The following RPUSD2 variants were observed in gnomAD, a reference collection of about 807,000 sequenced individuals.
The protein encoded by RPUSD2 is RNA pseudouridine synthase domain containing 2, also known as pseudouridylate synthase RPUSD2.
In RPUSD2, 31 loss-of-function variants were observed where a neutral mutation model predicts 41.5. That is an observed-to-expected ratio of 0.75 (90% CI 0.56 to 1.01). RPUSD2 has a LOEUF of 1.01. Among genes scored for constraint, RPUSD2 ranks in the 50% least tolerant of loss-of-function variants. The pLI, the probability that RPUSD2 is intolerant of heterozygous loss-of-function variation, is 0.00. For missense variants in RPUSD2, 749 were observed against 724.7 expected, an observed-to-expected ratio of 1.03 and a Z score of -0.38; for synonymous variants, 305 against 289.7, an observed-to-expected ratio of 1.05 and a Z score of -0.54.
At position 40,574,458 on chromosome 15, in the gene RPUSD2, A is replaced by T; in HGVS notation, c.*197A>T. The T allele has an allele frequency of 1.9e-6, 1 of 515,692 alleles. No homozygotes were observed. 31.9% of individuals were successfully genotyped at this position (515,692 alleles called of 1,614,324 possible). ...GTTTGTAAATATATCCCTTTTTCTAACATCTTTGATGTCTGGTTTTCTTCC... is the reference window on the plus strand; with the variant it reads ...GTTTGTAAATATATCCCTTTTTCTATCATCTTTGATGTCTGGTTTTCTTCC... On this transcript the variant is annotated 3_prime_UTR_variant, in exon 3 of 3. Transcript: ENST00000315616.
rs1891220502 is a variant in RPUSD2, at chr15:40,574,845, C to T, written c.*584C>T. On this transcript the variant is annotated 3_prime_UTR_variant, in exon 3 of 3. Transcript: ENST00000315616. ...CCATTAAGTAAGTGGTCACTTTCCA[C>T]TCCCCTTCCACCAGCCTCTGGCAAC... 6.6e-6 allele frequency: 1 copy of T among 152,256 alleles called. No homozygotes were observed. Among genetic ancestry groups the T allele is most frequent in the Non-Finnish European group, 1.5e-5 (1 of 68,052 alleles). The allele number at this position is 152,256 out of a possible 1,614,324, so 9.4% of individuals were successfully genotyped here.
intron 1 of RPUSD2, 62 bp downstream of exon 1, chr15:40,570,005 TTTG>T: frequency 1.4e-6 from 2 of 1,440,312 alleles, no homozygotes; most frequent in South Asian, 2.9e-5. Context: ...TTTGTTTTGT[TTTG>T]TTTTGTTTTT....
Position 40,569,364 on chromosome 15 carries a change from C to T in RPUSD2, c.27C>T (p.Leu9=), listed in dbSNP as rs1203449416. The change falls in exon 1 of 3, where the codon CTC becomes CTT. Residue 9 remains leucine (L), a synonymous_variant. Coordinates refer to ENST00000315616, the MANE Select transcript of RPUSD2 (RefSeq NM_152260.3). MWLDRRGW[L]RVLGHWRYDL... ...TGTGGCTGGACCGCCGCGGATGGCT[C>T]AGGGTTCTTGGACATTGGCGCTACG... 2 of 1,501,342 alleles carry T rather than the reference C, an allele frequency of 1.3e-6. No homozygotes were observed. Among genetic ancestry groups the T allele is most frequent in the Admixed American group, 5.0e-5 (2 of 40,170 alleles). The allele number at this position is 1,501,342 out of a possible 1,614,324, so 93.0% of individuals were successfully genotyped here.
rs370216132 is a variant in RPUSD2 at position 40,571,620 on chromosome 15, G to A, written c.623G>A (p.Arg208Gln). 7.4e-5 allele frequency: 120 copies of A among 1,613,950 alleles called. No individual in the cohort carries two copies. Among genetic ancestry groups the A allele is most frequent in the Middle Eastern group, 4.9e-4 (3 of 6,084 alleles). The change falls in exon 2 of 3, where the codon CGG (arginine) becomes CAG (glutamine). Residue 208 changes from arginine (R) to glutamine (Q), a missense_variant. Coordinates refer to ENST00000315616, the MANE Select transcript of RPUSD2 (RefSeq NM_152260.3). ...NIVLKDNDFL[R>Q]NTVHRHEPPV... ...CTTTGACAGGACAATGATTTCTTGC[G>A]GAACACAGTGCACAGGCATGAGCCA...
intron 1 of RPUSD2, 112 bp from the exon 2 acceptor site, chr15:40,571,491 GA>G (rs1891137769): frequency 1.0e-6 from 1 of 958,376 alleles, no homozygotes; most frequent in Non-Finnish European, 1.6e-6. Flanking sequence ...TTCAGCCCAA[GA>G]TGTGCTTTCA....
rs757447656 is a variant in RPUSD2, at chr15:40,569,580, G to C, written c.243G>C (p.Pro81=). ...PPKPAGREVE[P]APVGGEHPSA... is the part of the protein sequence containing the mutation. ...AGCCGGCTGGCCGGGAAGTGGAGCCGGCCCCAGTAGGCGGGGAGCATCCCT... is the reference window on the plus strand; with the variant it reads ...AGCCGGCTGGCCGGGAAGTGGAGCCCGCCCCAGTAGGCGGGGAGCATCCCT... Residue 81 remains proline (P), a synonymous_variant, in exon 1 of 3, where the codon CCG becomes CCC. Coordinates refer to ENST00000315616, the MANE Select transcript of RPUSD2 (RefSeq NM_152260.3). 4 of 1,532,500 alleles carry C rather than the reference G, an allele frequency of 2.6e-6. No homozygotes were observed. The highest frequency in any genetic ancestry group is 2.3e-5 in the East Asian group (1 of 43,762). 94.9% of individuals were successfully genotyped at this position (1,532,500 alleles called of 1,614,324 possible).
chr15:40,569,516 G>C lies in RPUSD2; in HGVS notation c.179G>C (p.Gly60Ala). 6.5e-7 allele frequency: 1 copy of C among 1,544,714 alleles called. No individual in the cohort carries two copies. The highest frequency in any genetic ancestry group is 8.7e-7 in the Non-Finnish European group (1 of 1,151,116). The change falls in exon 1 of 3, where the codon GGT becomes GCT. Residue 60 changes from glycine (G) to alanine (A), a missense_variant. Transcript: ENST00000315616. ...TCGCATCAGCAAAACGGTGACGCTG[G>C]TGGCGACGCGAAGGTTGAGCTGTCC... Reference protein sequence around the residue: ...RASHQQNGDAGGDAKVELSPG... With the variant: ...RASHQQNGDAAGDAKVELSPG...
chr15:40,574,189 C>G lies in RPUSD2; in HGVS notation c.1566C>G (p.Arg522=), dbSNP rs1388844046. The G allele has an allele frequency of 6.2e-7, 1 of 1,613,934 alleles. No individual in the cohort carries two copies. The highest frequency in any genetic ancestry group is 1.3e-5 in the African/African-American group (1 of 75,020). ...TTGTGATGTTCCTACATGCCCTACGCTATAAAGGGCCAGGCTTTGAGTACT... is the reference window on the plus strand; with the variant it reads ...TTGTGATGTTCCTACATGCCCTACGGTATAAAGGGCCAGGCTTTGAGTACT... ...QDLVMFLHAL[R]YKGPGFEYFS... is the part of the protein sequence containing the mutation. Residue 522 remains arginine (R), a synonymous_variant, in exon 3 of 3, where the codon CGC becomes CGG. Coordinates refer to ENST00000315616, the MANE Select transcript of RPUSD2 (RefSeq NM_152260.3).
In RPUSD2 at chr15:40,569,371, C is replaced by T. The variant is rs757915844; in HGVS notation, c.34C>T (p.Leu12Phe). 3.3e-6 allele frequency: 5 copies of T among 1,514,452 alleles called. No individual in the cohort carries two copies. Among genetic ancestry groups the T allele is most frequent in the Non-Finnish European group, 4.4e-6 (5 of 1,136,628 alleles). The allele number at this position is 1,514,452 out of a possible 1,614,324, so 93.8% of individuals were successfully genotyped here. Residue 12 changes from leucine (L) to phenylalanine (F), a missense_variant, in exon 1 of 3, where the codon CTT (leucine) becomes TTT (phenylalanine). Physicochemically the swap from Leu to Phe is conservative, Grantham distance 22. Coordinates refer to ENST00000315616, the MANE Select transcript of RPUSD2 (RefSeq NM_152260.3). ...WLDRRGWLRVLGHWRYDLRRP... is the reference protein window; with the variant it reads ...WLDRRGWLRVFGHWRYDLRRP... ...GGACCGCCGCGGATGGCTCAGGGTT[C>T]TTGGACATTGGCGCTACGACCTTAG...
At chr15:40,573,026 T>TTTC (rs1472972896) in intron 2 of RPUSD2, among the ~76,000 whole-genome samples, 2 of 138,954 alleles carry the variant, frequency 1.4e-5, no homozygotes, top group Non-Finnish European at 3.1e-5. Context: ...TTTTCTTTTT[T>TTTC]TTTTTTTTTT....
chr15:40,569,591 G>A lies in RPUSD2; in HGVS notation c.254G>A (p.Gly85Asp), dbSNP rs1566989238. 2.0e-6 allele frequency: 3 copies of A among 1,536,414 alleles called. No homozygotes were observed. Among genetic ancestry groups the A allele is most frequent in the Admixed American group, 2.0e-5 (1 of 50,686 alleles). The change falls in exon 1 of 3, where the codon GGC becomes GAC. Residue 85 changes from glycine (G) to aspartate (D), a missense_variant. By Grantham distance (94) the Gly-to-Asp change is moderately conservative. Coordinates refer to ENST00000315616, the MANE Select transcript of RPUSD2 (RefSeq NM_152260.3). ...AGREVEPAPVGGEHPSAAAPG... is the reference protein window; with the variant it reads ...AGREVEPAPVDGEHPSAAAPG... ...CGGGAAGTGGAGCCGGCCCCAGTAG[G>A]CGGGGAGCATCCCTCGGCTGCAGCC...
chr15:40,573,681 A>C lies in RPUSD2; in HGVS notation c.1058A>C (p.Tyr353Ser). The change falls in exon 3 of 3, where the codon TAC becomes TCC. Residue 353 changes from tyrosine (Y) to serine (S), a missense_variant. By Grantham distance (144) the Tyr-to-Ser change is moderately radical (BLOSUM62 -2). Coordinates refer to ENST00000315616, the MANE Select transcript of RPUSD2 (RefSeq NM_152260.3). ...PCETVFQRLSYNGQSSVVRCR... is the reference protein window; with the variant it reads ...PCETVFQRLSSNGQSSVVRCR... ...GAGACAGTGTTCCAGAGGCTAAGCTACAATGGCCAGTCCAGTGTGGTACGG... is the reference window on the plus strand; with the variant it reads ...GAGACAGTGTTCCAGAGGCTAAGCTCCAATGGCCAGTCCAGTGTGGTACGG... 1 of 1,614,216 alleles carries C rather than the reference A, an allele frequency of 6.2e-7. No homozygotes were observed. The highest frequency in any genetic ancestry group is 8.5e-7 in the Non-Finnish European group (1 of 1,180,036).
In RPUSD2 at chr15:40,574,101, A is replaced by G. The variant is rs754633536; in HGVS notation, c.1478A>G (p.Gln493Arg). The change falls in exon 3 of 3, where the codon CAA becomes CGA. Residue 493 changes from glutamine to arginine, a missense_variant. Transcript: ENST00000315616. ...GCAGTTGAAACAGATGTCATGAATC[A>G]AGAGACAGACCCACTCTGTGCAGAG... is the stretch of plus-strand genomic sequence containing the variant. ...EKAVETDVMN[Q>R]ETDPLCAECR... is the part of the protein sequence containing the mutation. 1 of 1,614,186 alleles carries G rather than the reference A, an allele frequency of 6.2e-7. No homozygotes were observed. Among genetic ancestry groups the G allele is most frequent in the Non-Finnish European group, 8.5e-7 (1 of 1,180,012 alleles).
rs1162287210 is a variant in RPUSD2 at position 40,573,952 on chromosome 15, G to A, written c.1329G>A (p.Thr443=). Residue 443 remains threonine, a synonymous_variant, in exon 3 of 3, where the codon ACG becomes ACA. Transcript: ENST00000315616. ...TGTCCCCAGGACTCACAGACTCTAC[G>A]GCCCCCTCCTCAGAGTTGGGCAAGG... ...GDLSPGLTDS[T]APSSELGKDD... 9.3e-6 allele frequency: 15 copies of A among 1,614,062 alleles called. No individual in the cohort carries two copies. The highest frequency in any genetic ancestry group is 1.1e-5 in the Non-Finnish European group (13 of 1,180,030).
intron 1 of RPUSD2, 29 bp from the exon 2 acceptor site, chr15:40,571,575 G>A: frequency 6.2e-7 from 1 of 1,607,416 alleles, no homozygotes; most frequent in Non-Finnish European, 8.5e-7. Context: ...GCGGTCCCTA[G>A]GCTGACTTAT....
chr15:40,573,255 C>T (rs1891180210), intron 2 of RPUSD2, among the ~76,000 whole-genome samples: 1 of 152,088 alleles, frequency 6.6e-6, no homozygotes, highest in Non-Finnish European at 1.5e-5. Context: ...GAACTTTCGA[C>T]CTCAGGTGAT....
In RPUSD2 at chr15:40,569,749, G is replaced by T. The variant is rs755046892; in HGVS notation, c.412G>T (p.Gly138Cys). ...FAETSYYFEG[G>C]LRKVRPYYFD... ...AGAAACCAGTTATTACTTCGAGGGCGGCCTGCGTAAGGTGCGGCCCTATTA... is the reference window on the plus strand; with the variant it reads ...AGAAACCAGTTATTACTTCGAGGGCTGCCTGCGTAAGGTGCGGCCCTATTA... The change falls in exon 1 of 3, where the codon GGC (glycine) becomes TGC (cysteine). Residue 138 changes from glycine to cysteine, a missense_variant. By Grantham distance (159) the Gly-to-Cys change is radical. Coordinates refer to ENST00000315616, the MANE Select transcript of RPUSD2 (RefSeq NM_152260.3). 3.7e-6 allele frequency: 6 copies of T among 1,606,058 alleles called. No individual in the cohort carries two copies. Among genetic ancestry groups the T allele is most frequent in the Non-Finnish European group, 5.1e-6 (6 of 1,176,448 alleles).
chr15:40,569,861 T>A lies in RPUSD2; in HGVS notation c.524T>A (p.Leu175Gln). The A allele has an allele frequency of 6.2e-7, 1 of 1,609,522 alleles. No homozygotes were observed. Among genetic ancestry groups the A allele is most frequent in the Non-Finnish European group, 8.5e-7 (1 of 1,178,324 alleles). ...AGTACCGAGTTCCGAGCTCAGCCCC[T>A]GGCCTACTATGAGGCCGCGGTCCGG... ...VFSTEFRAQP[L>Q]AYYEAAVRAG... Residue 175 changes from leucine to glutamine, a missense_variant, in exon 1 of 3, where the codon CTG becomes CAG. Coordinates refer to ENST00000315616, the MANE Select transcript of RPUSD2 (RefSeq NM_152260.3).
Position 40,573,834 on chromosome 15 carries a change from T to C in RPUSD2, c.1211T>C (p.Ile404Thr). ...WGPSRGRGGYIPKTNEELLRD... is the reference protein window; with the variant it reads ...WGPSRGRGGYTPKTNEELLRD... ...CCTTCTCGAGGCCGGGGCGGCTACA[T>C]TCCCAAGACAAACGAGGAGTTGCTA... The change falls in exon 3 of 3, where the codon ATT becomes ACT. Residue 404 changes from isoleucine (I) to threonine (T), a missense_variant. Ile to Thr is a moderately conservative substitution (Grantham distance 89). Coordinates refer to ENST00000315616, the MANE Select transcript of RPUSD2 (RefSeq NM_152260.3). The C allele has an allele frequency of 6.2e-7, 1 of 1,614,166 alleles. No homozygotes were observed. The highest frequency in any genetic ancestry group is 8.5e-7 in the Non-Finnish European group (1 of 1,180,016).
Sources: gnomAD v4.1 joint callset for allele counts (sites outside exome capture counted in the v4.1 genomes callset) on GRCh38, gnomAD v4.1.1 for gene constraint, MANE v1.5 for transcripts, NCBI Gene and HGNC (gene_info 2026-07-23, HGNC 2026-07-21) for gene names.